ACSM3: variants seen among roughly 807,000 people sequenced by gnomAD.
ACSM3 encodes the protein acyl-CoA synthetase medium chain family member 3.
ACSM3 carries 61 observed loss-of-function variants against 74.1 expected under a neutral mutation model. The ratio of observed to expected loss-of-function variants is 0.82; its 90% CI spans 0.67 to 1.02. The LOEUF is 1.02. Ranked by LOEUF, ACSM3 falls within the 50% of genes least tolerant of loss-of-function variation. ACSM3 has a pLI of 0.00. For missense variants in ACSM3, 660 were observed against 697.0 expected, an observed-to-expected ratio of 0.95 and a Z score of 0.60; for synonymous variants, 213 against 241.5, an observed-to-expected ratio of 0.88 and a Z score of 1.09.
intron 1 of ACSM3, among the ~76,000 whole-genome samples, chr16:20,687,329 T>C (rs2079571570): frequency 6.6e-6 from 1 of 152,074 alleles, no homozygotes; most frequent in Non-Finnish European, 1.5e-5. Flanking sequence ...GAAGAGACTT[T>C]TAGGGAAATT....
chr16:20,744,467 G>A (rs2079949686), intron 1 of ACSM3, among the ~76,000 whole-genome samples: 1 of 152,070 alleles, frequency 6.6e-6, no homozygotes, highest in Non-Finnish European at 1.5e-5. Context: ...TCACTGCAAC[G>A]TCCACTTACT....
At chr16:20,691,425 T>G (rs1281000701) in intron 1 of ACSM3, among the ~76,000 whole-genome samples, 1 of 152,150 alleles carries the variant, frequency 6.6e-6, no homozygotes, top group East Asian at 1.9e-4. Flanking sequence ...CAGAAAACGC[T>G]GGGGAGGTTA....
intron 7 of ACSM3, among the ~76,000 whole-genome samples, chr16:20,784,103 G>A (rs1422252760): frequency 6.6e-6 from 1 of 152,096 alleles, no homozygotes; most frequent in African/African-American, 2.4e-5. Context: ...ACCACACCTG[G>A]CCTTTCCTTC....
intron 1 of ACSM3, chr16:20,711,725 A>G: frequency 2.3e-6 from 1 of 426,884 alleles, no homozygotes; most frequent in Admixed American, 3.3e-5. Flanking sequence ...CAACAACACA[A>G]ATTATTGCTA....
intron 1 of ACSM3, among the ~76,000 whole-genome samples, chr16:20,709,495 T>A (rs2079737099): frequency 6.6e-6 from 1 of 152,294 alleles, no homozygotes; most frequent in African/African-American, 2.4e-5. Context: ...TGAAAACCAC[T>A]AGAAGAAAAC....
intron 1 of ACSM3, chr16:20,742,182 C>G: frequency 1.7e-6 from 1 of 602,370 alleles, no homozygotes; most frequent in Non-Finnish European, 2.5e-6. Context: ...AGTCCCGTAA[C>G]AGGTTGCATG....
chr16:20,756,025 G>A (rs1243627911), intron 3 of ACSM3, among the ~76,000 whole-genome samples: 1 of 152,006 alleles, frequency 6.6e-6, no homozygotes, highest in Non-Finnish European at 1.5e-5. Context: ...TCTTAATCCA[G>A]TCTGTCATTG....
At chr16:20,789,708 T>TG (rs1241362635) in intron 9 of ACSM3, 3 of 592,178 alleles carry the variant, frequency 5.1e-6, no homozygotes, top group South Asian at 2.1e-5. Context: ...TTTTTTGAGA[T>TG]GGAGTTTCAC....
chr16:20,713,276 T>C, intron 1 of ACSM3, among the ~76,000 whole-genome samples: 1 of 152,202 alleles, frequency 6.6e-6, no homozygotes, highest in Admixed American at 6.5e-5. Context: ...ACAGTAATTA[T>C]AACTGCAATC....
intron 1 of ACSM3, among the ~76,000 whole-genome samples, chr16:20,675,714 G>C (rs943883381): frequency 1.2e-4 from 18 of 152,348 alleles, no homozygotes; most frequent in African/African-American, 4.1e-4. Context: ...TAAATTGGCT[G>C]TGTGTTTTAA....
At chr16:20,735,138 T>C (rs1182908616) in intron 1 of ACSM3, 3 of 152,184 alleles carry the variant, frequency 2.0e-5, no homozygotes, top group Non-Finnish European at 4.4e-5. Context: ...CCCCAGAACC[T>C]TTCAGAGACT....
chr16:20,749,145 T>C (rs1302645314), intron 1 of ACSM3: 1 of 151,634 alleles, frequency 6.6e-6, no homozygotes, highest in Non-Finnish European at 1.5e-5. Context: ...AATATCTATA[T>C]ATCTATGTGC....
chr16:20,708,004 C>T (rs12922077), intron 1 of ACSM3, among the ~76,000 whole-genome samples: 3,513 of 152,244 alleles, frequency 0.023, 77 homozygotes, highest in Non-Finnish European at 0.029. Context: ...AATAACAACG[C>T]ATAAAAGTTT....
At chr16:20,783,653 A>C (rs1185141156) in intron 7 of ACSM3, 1 of 152,184 alleles carries the variant, frequency 6.6e-6, no homozygotes, top group African/African-American at 2.4e-5. Context: ...CCTGCCATAA[A>C]ATTCAAAAGG....
chr16:20,694,833 T>C (rs917256911), intron 1 of ACSM3, among the ~76,000 whole-genome samples: 7 of 152,068 alleles, frequency 4.6e-5, no homozygotes, highest in Non-Finnish European at 8.8e-5. Flanking sequence ...TGGGCCCTAA[T>C]CCAATATGAC....
chr16:20,775,394 G>T (rs1384862351), intron 2 of ACSM3, among the ~76,000 whole-genome samples: 1 of 152,112 alleles, frequency 6.6e-6, no homozygotes, highest in Non-Finnish European at 1.5e-5. Context: ...GGGCTCTCCT[G>T]TAGGTGGGAC....
At chr16:20,716,015 G>T (rs976322678) in intron 1 of ACSM3, among the ~76,000 whole-genome samples, 6 of 150,638 alleles carry the variant, frequency 4.0e-5, no homozygotes, top group South Asian at 4.2e-4. Flanking sequence ...CAGCAGGACA[G>T]TCTAAACATC....
chr16:20,785,975 CA>C, intron 8 of ACSM3, 102 bp from the exon 9 acceptor site: 1 of 724,844 alleles, frequency 1.4e-6, no homozygotes, highest in East Asian at 2.9e-5. Flanking sequence ...GAGCCTAGTT[CA>C]TAGTAAGTTT....
At chr16:20,769,595 G>C (rs920998218) in intron 1 of ACSM3, among the ~76,000 whole-genome samples, 8 of 152,250 alleles carry the variant, frequency 5.3e-5, no homozygotes, top group African/African-American at 1.7e-4. Flanking sequence ...TAGACAAGAA[G>C]CCTTAGCCCT....
Sources: allele counts gnomAD v4.1 joint callset (sites outside exome capture counted in the v4.1 genomes callset), GRCh38; gene constraint gnomAD v4.1.1; transcripts MANE v1.5; gene names NCBI Gene and HGNC (gene_info 2026-07-23, HGNC 2026-07-21).